Variants in TMC1 observed in about 807,000 individuals in gnomAD.
The protein encoded by TMC1 is transmembrane channel like 1.
TMC1 carries 84 observed loss-of-function variants against 105.8 expected under a neutral mutation model. The ratio of observed to expected loss-of-function variants is 0.79; its 90% CI spans 0.67 to 0.95. The LOEUF is 0.95. TMC1 is among the 40% of genes least tolerant of loss of function. TMC1 has a pLI of 0.00. For synonymous variants in TMC1, 315 were observed against 311.5 expected, an observed-to-expected ratio of 1.01 and a Z score of -0.12; for missense variants, 817 against 914.1, an observed-to-expected ratio of 0.89 and a Z score of 1.37.
chr9:72,586,622 C>T (rs188297188), intron 2 of TMC1, among the ~76,000 whole-genome samples: 40 of 152,258 alleles, frequency 2.6e-4, no homozygotes, highest in Admixed American at 2.0e-3. Context: ...AGTTGGGTAC[C>T]GTTGTGCAGT....
chr9:72,610,347 A>G (rs1353452661), intron 2 of TMC1, among the ~76,000 whole-genome samples: 4 of 152,202 alleles, frequency 2.6e-5, no homozygotes, highest in South Asian at 2.1e-4. Flanking sequence ...ACAAGTCTCA[A>G]TACCTACAGT....
intron 8 of TMC1, among the ~76,000 whole-genome samples, chr9:72,705,572 A>G (rs915515853): frequency 2.0e-5 from 3 of 152,196 alleles, no homozygotes; most frequent in Admixed American, 2.0e-4. Context: ...TCTTCTACAC[A>G]GTGTACTTCC....
chr9:72,812,480 T>C (rs552967851), intron 18 of TMC1, among the ~76,000 whole-genome samples: 46 of 152,352 alleles, frequency 3.0e-4, no homozygotes, highest in Non-Finnish European at 6.2e-4. Flanking sequence ...AAGCCTCAAG[T>C]GCTCAATCAT....
chr9:72,604,742 T>A (rs1344367506), intron 2 of TMC1, among the ~76,000 whole-genome samples: 2 of 152,204 alleles, frequency 1.3e-5, no homozygotes, highest in African/African-American at 2.4e-5. Flanking sequence ...GTGAAGCATG[T>A]TGGTTTAATA....
At chr9:72,552,028 G>A (rs11143324) in intron 1 of TMC1, among the ~76,000 whole-genome samples, 43,030 of 151,524 alleles carry the variant, frequency 0.28, 6,675 homozygotes, top group African/African-American at 0.38. Context: ...AACTCTGAGA[G>A]AACAGATTTG....
chr9:72,684,165 A>T (rs1269099772), intron 5 of TMC1, among the ~76,000 whole-genome samples: 1 of 152,028 alleles, frequency 6.6e-6, no homozygotes, highest in South Asian at 2.1e-4. Flanking sequence ...TACATCTTCA[A>T]TTTCTCAATT....
At chr9:72,780,012 G>A (rs1188349970) in intron 13 of TMC1, among the ~76,000 whole-genome samples, 1 of 152,108 alleles carries the variant, frequency 6.6e-6, no homozygotes, top group Non-Finnish European at 1.5e-5. Context: ...GGCAGCTGGA[G>A]AGAAGGGAAA....
chr9:72,749,468 G>T (rs1827543447), intron 10 of TMC1, among the ~76,000 whole-genome samples: 1 of 152,180 alleles, frequency 6.6e-6, no homozygotes, highest in Admixed American at 6.5e-5. Flanking sequence ...GTCGTTACCA[G>T]AGAATGTAGA....
At chr9:72,666,841 G>A (rs1182421962) in intron 5 of TMC1, among the ~76,000 whole-genome samples, 1 of 152,114 alleles carries the variant, frequency 6.6e-6, no homozygotes, top group African/African-American at 2.4e-5. Flanking sequence ...CTTAGGCCCA[G>A]GAGTTTGAGA....
chr9:72,658,919 A>T (rs1391416041), intron 5 of TMC1, among the ~76,000 whole-genome samples: 1 of 152,230 alleles, frequency 6.6e-6, no homozygotes, highest in Admixed American at 6.5e-5. Context: ...TTTTCCAGGC[A>T]ATAGCCACAG....
chr9:72,568,717 G>A lies in TMC1; in HGVS notation c.-427-9185G>A, dbSNP rs183480930. Among the ~76,000 whole-genome samples, 250 of 152,108 alleles carry A rather than the reference G, an allele frequency of 1.6e-3. 1 individual carries two copies. The highest frequency in any genetic ancestry group is 5.8e-3 in the African/African-American group (242 of 41,502). ...TAGCTCAGTGGAATCCAAGATGTTC[G>A]GCTAGCCTTCTGATCCAAGATAGTG... On this transcript the variant is annotated intron_variant, in intron 1 of 23. Transcript: ENST00000297784.
chr9:72,593,883 C>T lies in TMC1; in HGVS notation c.-306+15860C>T, dbSNP rs558823758. Among the ~76,000 whole-genome samples the T allele has an allele frequency of 6.6e-5, 10 of 152,250 alleles. No individual in the cohort carries two copies. In the East Asian group the frequency reaches 1.9e-3, roughly 29 times the overall value. On this transcript the variant is annotated intron_variant, in intron 2 of 23. Transcript: ENST00000297784. Reference sequence around the variant, plus strand: ...CAAGTGCAGACCCTCAGTCAGTGACCTCCTTTGTTGCTCTTCCATCAAAGG... The same window carrying T: ...CAAGTGCAGACCCTCAGTCAGTGACTTCCTTTGTTGCTCTTCCATCAAAGG...
intron 5 of TMC1, among the ~76,000 whole-genome samples, chr9:72,670,987 G>A (rs2793180): frequency 0.23 from 35,104 of 151,954 alleles, 4,327 homozygotes; most frequent in East Asian, 0.38. Context: ...ACCCATCCTG[G>A]GTTCACAGCT....
At chr9:72,531,267 G>A (rs1160951726) in intron 1 of TMC1, among the ~76,000 whole-genome samples, 1 of 151,934 alleles carries the variant, frequency 6.6e-6, no homozygotes, top group Non-Finnish European at 1.5e-5. Context: ...ATTGTTTTTT[G>A]TTTTTTAAAT....
rs984565068 is a variant in TMC1 at position 72,619,866 on chromosome 9, C to T, written c.-196+3389C>T. Among the ~76,000 whole-genome samples, 40 of 151,938 alleles carry T rather than the reference C, an allele frequency of 2.6e-4. 1 individual carries two copies. Among genetic ancestry groups the T allele is most frequent in the African/African-American group, 4.1e-4 (17 of 41,374 alleles). On this transcript the variant is annotated intron_variant, in intron 3 of 23. Transcript: ENST00000297784. ...ATTTATTTACTTTGAGACAGAGTCT[C>T]GCTCTGTCACCAGGCTGGAGTGCAG...
chr9:72,578,370 G>A (rs1824423366), intron 2 of TMC1: 1 of 151,974 alleles, frequency 6.6e-6, no homozygotes, highest in South Asian at 2.1e-4. Flanking sequence ...TTAACATACT[G>A]TCTGCTTATT....
chr9:72,830,212 A>G (rs1829017339), intron 21 of TMC1, among the ~76,000 whole-genome samples: 1 of 152,224 alleles, frequency 6.6e-6, no homozygotes. Context: ...GCTGTGGATC[A>G]GGAGCCTTGG....
intron 1 of TMC1, among the ~76,000 whole-genome samples, chr9:72,555,174 A>T (rs1823909270): frequency 6.8e-6 from 1 of 147,028 alleles, no homozygotes; most frequent in Admixed American, 6.9e-5. Context: ...ACCTGACCTG[A>T]ATTCTGAGTT....
At chr9:72,583,387 C>G (rs187362089) in intron 2 of TMC1, among the ~76,000 whole-genome samples, 2 of 152,286 alleles carry the variant, frequency 1.3e-5, no homozygotes, top group East Asian at 3.9e-4. Context: ...ATGTTCCCAT[C>G]TTTATTATTT....
Sources: gnomAD v4.1 joint callset for allele counts (sites outside exome capture counted in the v4.1 genomes callset) on GRCh38, gnomAD v4.1.1 for gene constraint, MANE v1.5 for transcripts, NCBI Gene and HGNC (gene_info 2026-07-23, HGNC 2026-07-21) for gene names.